The following SHB variants were observed in gnomAD, a reference collection of about 807,000 sequenced individuals.
SHB encodes the protein SH2 domain containing adaptor protein B.
SHB carries 20 observed loss-of-function variants against 52.3 expected under a neutral mutation model. That is an observed-to-expected ratio of 0.38 (90% CI 0.27 to 0.56). SHB has a LOEUF of 0.56. SHB is among the 20% of genes least tolerant of loss of function. SHB has a pLI of 0.71. For missense variants in SHB, 825 were observed against 723.3 expected (o/e 1.14, Z -1.61); for synonymous variants, 397 against 316.5 (o/e 1.25, Z -2.70).
rs145996712 is a variant in SHB at position 37,942,623 on chromosome 9, C to T, written c.1346+6012G>A. On this transcript the variant is annotated intron_variant, in intron 5 of 5. Transcript: ENST00000377707. ...ACCATCTATGTGTAGGGCTTATCTGCCAAGCCTTACTTCTTGCTGAGGCAA... is the reference window on the plus strand; with the variant it reads ...ACCATCTATGTGTAGGGCTTATCTGTCAAGCCTTACTTCTTGCTGAGGCAA... 3.8e-3 allele frequency among the ~76,000 whole-genome samples: 585 copies of T among 152,310 alleles called. 5 individuals carry two copies. Among genetic ancestry groups the T allele is most frequent in the African/African-American group, 0.014 (568 of 41,550 alleles).
At chr9:37,983,082 G>C (rs1820758398) in intron 2 of SHB, among the ~76,000 whole-genome samples, 1 of 152,042 alleles carries the variant, frequency 6.6e-6, no homozygotes, top group Non-Finnish European at 1.5e-5. Flanking sequence ...ATGAGATGCA[G>C]TCCTGGCCTT....
chr9:37,951,390 G>A lies in SHB; in HGVS notation c.1227-2636C>T, dbSNP rs76244129. ...AGTAAAACATTTCCTGAGACATGAAGGTCCATGTTATGCTTTAGAAAGGCT... is the reference window on the plus strand; with the variant it reads ...AGTAAAACATTTCCTGAGACATGAAAGTCCATGTTATGCTTTAGAAAGGCT... On this transcript the variant is annotated intron_variant, in intron 4 of 5. Coordinates refer to ENST00000377707, the MANE Select transcript of SHB (RefSeq NM_003028.3). Among the ~76,000 whole-genome samples, 775 of 152,340 alleles carry A rather than the reference G, an allele frequency of 5.1e-3. 16 individuals carry two copies. Among genetic ancestry groups the A allele is most frequent in the Admixed American group, 0.04 (611 of 15,308 alleles).
intron 2 of SHB, among the ~76,000 whole-genome samples, chr9:37,985,636 T>G (rs1820796476): frequency 6.6e-6 from 1 of 152,246 alleles, no homozygotes. Context: ...GACTGCTTTC[T>G]AAATCCTCGC....
rs530709800 is a variant in SHB at position 37,978,895 on chromosome 9, T to C, written c.839-4058A>G. ...AGATGAGCACATGAAAGAGAGTAAA[T>C]ATGATTTTAAGCAGGCTGGGCTTCC... On this transcript the variant is annotated intron_variant, in intron 2 of 5. Transcript: ENST00000377707. Among the ~76,000 whole-genome samples, 6 of 152,244 alleles carry C rather than the reference T, an allele frequency of 3.9e-5. No individual in the cohort carries two copies. The East Asian group carries it at 1.2e-3, about 29-fold the overall frequency.
chr9:37,986,789 G>C (rs1003292143), intron 2 of SHB, among the ~76,000 whole-genome samples: 1 of 152,186 alleles, frequency 6.6e-6, no homozygotes, highest in African/African-American at 2.4e-5. Context: ...CATCCCCGGG[G>C]CCCCTGTGCT....
At chr9:37,971,480 T>C (rs1014966868) in intron 3 of SHB, among the ~76,000 whole-genome samples, 1 of 152,044 alleles carries the variant, frequency 6.6e-6, no homozygotes, top group East Asian at 1.9e-4. Flanking sequence ...TCCACAGACA[T>C]GGGAAGAGAA....
At chr9:37,974,211 G>C (rs925482663) in intron 3 of SHB, among the ~76,000 whole-genome samples, 2 of 152,130 alleles carry the variant, frequency 1.3e-5, no homozygotes, top group African/African-American at 4.8e-5. Context: ...AGCCGAGATC[G>C]CATCACTGCA....
rs1832099297 is a variant in SHB at position 37,916,408 on chromosome 9, T to C, written c.*3413A>G. Among the ~76,000 whole-genome samples the C allele has an allele frequency of 6.6e-6, 1 of 152,228 alleles. No individual in the cohort carries two copies. The highest frequency in any genetic ancestry group is 1.5e-5 in the Non-Finnish European group (1 of 68,044). The stretch of plus-strand genomic sequence containing the variant: ...CGGTCCTTGCCAGGCCCTTGGTCAA[T>C]GATATCACCACTTCTGAGACAGCGT... On this transcript the variant is annotated 3_prime_UTR_variant, in exon 6 of 6. Coordinates refer to ENST00000377707, the MANE Select transcript of SHB (RefSeq NM_003028.3).
chr9:37,993,449 A>C (rs868176669), intron 2 of SHB, among the ~76,000 whole-genome samples: 2 of 152,166 alleles, frequency 1.3e-5, no homozygotes, highest in African/African-American at 4.8e-5. Context: ...TAGGAGATAT[A>C]CCTAATGTAA....
chr9:38,062,827 T>C (rs1821911246), intron 1 of SHB, among the ~76,000 whole-genome samples: 4 of 152,268 alleles, frequency 2.6e-5, no homozygotes. Context: ...TAAAGTTTTA[T>C]TGGGATACAG....
At chr9:37,951,428 T>A (rs1832565338) in intron 4 of SHB, among the ~76,000 whole-genome samples, 1 of 152,228 alleles carries the variant, frequency 6.6e-6, no homozygotes. Context: ...ATGGCTGTAA[T>A]CAGGAGAAAC....
intron 3 of SHB, among the ~76,000 whole-genome samples, chr9:37,956,624 A>C (rs1006774702): frequency 6.6e-6 from 1 of 152,160 alleles, no homozygotes; most frequent in Non-Finnish European, 1.5e-5. Flanking sequence ...ATAGCACAGG[A>C]AGGGCCATTC....
intron 1 of SHB, among the ~76,000 whole-genome samples, chr9:38,021,180 A>C (rs1468249271): frequency 6.6e-6 from 1 of 151,780 alleles, no homozygotes; most frequent in Non-Finnish European, 1.5e-5. Context: ...TCTCCTAAAA[A>C]CACAAAAAAA....
At position 37,954,488 on chromosome 9, in the gene SHB, G is replaced by T. The variant is rs1249820580; in HGVS notation, c.1226+1395C>A. On this transcript the variant is annotated intron_variant, in intron 4 of 5. Coordinates refer to ENST00000377707, the MANE Select transcript of SHB (RefSeq NM_003028.3). ...GAGCAAAGAGTAAGTGGAGGAGAGG[G>T]GAGGGGAGAGGGTGGGGTCTGGGTC... Among the ~76,000 whole-genome samples, 6 of 152,144 alleles carry T rather than the reference G, an allele frequency of 3.9e-5. No individual in the cohort carries two copies. In the East Asian group the frequency reaches 9.6e-4, roughly 24 times the overall value.
chr9:38,015,353 G>T (rs917965327), intron 2 of SHB: 1 of 697,146 alleles, frequency 1.4e-6, no homozygotes, highest in Admixed American at 2.0e-5. Context: ...GGCTAAAATA[G>T]GCCCCCAGGA....
chr9:37,924,780 A>G (rs1474295988), intron 5 of SHB, among the ~76,000 whole-genome samples: 2 of 152,240 alleles, frequency 1.3e-5, no homozygotes, highest in African/African-American at 4.8e-5. Flanking sequence ...TTAAGTTGTT[A>G]GAATGATCAC....
chr9:37,929,425 G>A (rs74876757), intron 5 of SHB, among the ~76,000 whole-genome samples: 5,652 of 152,336 alleles, frequency 0.037, 161 homozygotes, highest in East Asian at 0.11. Flanking sequence ...ACTGACGCCA[G>A]TGCAGGACTC....
At chr9:37,926,721 C>T (rs886681582) in intron 5 of SHB, among the ~76,000 whole-genome samples, 1 of 152,254 alleles carries the variant, frequency 6.6e-6, no homozygotes, top group African/African-American at 2.4e-5. Context: ...CAGCATTCAG[C>T]AAAGAGAGGG....
chr9:37,963,867 T>C (rs1424962611), intron 3 of SHB, among the ~76,000 whole-genome samples: 1 of 152,212 alleles, frequency 6.6e-6, no homozygotes, highest in Non-Finnish European at 1.5e-5. Context: ...CTGTTTCAGC[T>C]TTCCAAACAA....
Sources: allele counts gnomAD v4.1 joint callset (sites outside exome capture counted in the v4.1 genomes callset), GRCh38; gene constraint gnomAD v4.1.1; transcripts MANE v1.5; gene names NCBI Gene and HGNC (gene_info 2026-07-23, HGNC 2026-07-21).